FGF14: variants seen among roughly 807,000 people sequenced by gnomAD.
FGF14 encodes fibroblast growth factor homologous factor 4.
A neutral mutation model predicts 25.5 loss-of-function variants in FGF14; 5 were observed. The ratio of observed to expected loss-of-function variants is 0.20; its 90% confidence interval spans 0.10 to 0.41. The LOEUF is 0.41. Among genes scored for constraint, FGF14 ranks in the 10% least tolerant of loss-of-function variants. The pLI, the probability that FGF14 is intolerant of heterozygous loss-of-function variation, is 1.00. For missense variants in FGF14, 222 were observed against 320.1 expected, an observed-to-expected ratio of 0.69 and a Z score of 2.34; for synonymous variants, 138 against 118.3, an observed-to-expected ratio of 1.17 and a Z score of -1.08.
At chr13:101,920,639 A>G (rs1057308120), upstream of FGF14, among the ~76,000 whole-genome samples, 1 of 152,118 alleles carries the variant, frequency 6.6e-6, no homozygotes, top group African/African-American at 2.4e-5. Flanking sequence ...TGTTTTTTCA[A>G]TATCAAAATA....
At chr13:102,224,469 A>C (rs1183095131) in intron 1 of FGF14, among the ~76,000 whole-genome samples, 3 of 152,170 alleles carry the variant, frequency 2.0e-5, no homozygotes, top group Admixed American at 2.0e-4. Flanking sequence ...TATAGATTCG[A>C]ATGTCGCTAT....
intron 1 of FGF14, among the ~76,000 whole-genome samples, chr13:102,133,337 G>C (rs2046279032): frequency 6.6e-6 from 1 of 152,112 alleles, no homozygotes; most frequent in Admixed American, 6.6e-5. Context: ...TATATGAATG[G>C]CTGTTTACAT....
intron 3 of FGF14, among the ~76,000 whole-genome samples, chr13:101,861,539 G>C (rs1326888967): frequency 6.9e-6 from 1 of 145,400 alleles, no homozygotes; most frequent in Non-Finnish European, 1.5e-5. Context: ...TTCAGAAGTT[G>C]CAGACACTAG....
At chr13:102,392,032 T>C (rs901042429) in intron 1 of FGF14, among the ~76,000 whole-genome samples, 1 of 152,248 alleles carries the variant, frequency 6.6e-6, no homozygotes, top group Non-Finnish European at 1.5e-5. Flanking sequence ...TTATACCATG[T>C]GCTCCACACA....
At chr13:102,359,463 A>G (rs2139028899) in intron 1 of FGF14, among the ~76,000 whole-genome samples, 1 of 152,342 alleles carries the variant, frequency 6.6e-6, no homozygotes. Context: ...GATGTAATCA[A>G]AATACCACAG....
chr13:101,863,712 A>G (rs184231498), intron 3 of FGF14, among the ~76,000 whole-genome samples: 205 of 152,262 alleles, frequency 1.3e-3, no homozygotes, highest in Non-Finnish European at 2.6e-3. Flanking sequence ...ATACTGATAA[A>G]ACAGAGCAGT....
intron 4 of FGF14, among the ~76,000 whole-genome samples, chr13:101,724,707 T>G (rs1171618954): frequency 3.4e-5 from 5 of 149,228 alleles, no homozygotes; most frequent in East Asian, 2.0e-4. Flanking sequence ...CCAATAACAT[T>G]ATTTATATTC....
intron 1 of FGF14, among the ~76,000 whole-genome samples, chr13:101,926,325 T>G (rs1454908504): frequency 1.3e-5 from 2 of 152,186 alleles, no homozygotes; most frequent in African/African-American, 2.4e-5. Context: ...CCTACCAACA[T>G]AATTTTTTAA....
intron 1 of FGF14, among the ~76,000 whole-genome samples, chr13:102,096,978 T>G (rs1481434216): frequency 6.6e-6 from 1 of 151,890 alleles, no homozygotes; most frequent in Non-Finnish European, 1.5e-5. Flanking sequence ...TCATATAAAT[T>G]CCCATACTTG....
chr13:101,762,722 T>C (rs1298026864), intron 3 of FGF14, among the ~76,000 whole-genome samples: 2 of 152,152 alleles, frequency 1.3e-5, no homozygotes, highest in Admixed American at 6.6e-5. Flanking sequence ...CCATCTTTCT[T>C]TACACTTCAG....
At chr13:102,276,373 AT>A in intron 1 of FGF14, among the ~76,000 whole-genome samples, 1 of 142,342 alleles carries the variant, frequency 7.0e-6, no homozygotes, top group Admixed American at 7.0e-5. Flanking sequence ...ATATATATAT[AT>A]ATATATACAC....
chr13:101,778,667 G>T (rs567270880), intron 3 of FGF14, among the ~76,000 whole-genome samples: 295 of 152,064 alleles, frequency 1.9e-3, no homozygotes, highest in Non-Finnish European at 3.4e-3. Context: ...GGCTCTTTAG[G>T]CCCACACAAC....
chr13:102,259,152 C>T (rs1226328336), intron 1 of FGF14, among the ~76,000 whole-genome samples: 1 of 152,164 alleles, frequency 6.6e-6, no homozygotes, highest in Non-Finnish European at 1.5e-5. Flanking sequence ...TTCAGTGGCT[C>T]CTGCCACTCT....
In FGF14 at chr13:102,125,070, T is replaced by A. The variant is rs146675550; in HGVS notation, c.209-249774A>T. 1.5e-3 allele frequency among the ~76,000 whole-genome samples: 227 copies of A among 152,280 alleles called. 1 individual carries two copies. The highest frequency in any genetic ancestry group is 5.2e-3 in the African/African-American group (216 of 41,578). On this transcript the variant is annotated intron_variant, in intron 1 of 4. Coordinates refer to the FGF14 transcript ENST00000376131. ...TTCACAACACACTGTTATTGTTTTT[T>A]GTTTATCTCTTTTGAAAAACTTTAA...
intron 1 of FGF14, among the ~76,000 whole-genome samples, chr13:102,332,342 CAGT>C (rs1184291750): frequency 2.0e-5 from 3 of 151,978 alleles, no homozygotes; most frequent in Admixed American, 6.6e-5. Flanking sequence ...ATAAATGATG[CAGT>C]AGAAGTAAAA....
Position 101,720,414 on chromosome 13 carries a change from AGTCATTTACAAAAATAAATCTT to A in FGF14, c.*2395_*2416del, listed in dbSNP as rs2034889663. The A allele has an allele frequency of 6.6e-6, 1 of 152,138 alleles. No individual in the cohort carries two copies. The highest frequency in any genetic ancestry group is 1.5e-5 in the Non-Finnish European group (1 of 68,000). The allele number at this position is 152,138 out of a possible 1,614,324, so 9.4% of individuals were successfully genotyped here. Reference sequence around the variant, plus strand: ...AGAGATACACATTTACATAAATCTCAGTCATTTACAAAAATAAATCTTGTCTTAATTTAAACCAATAAACAGA... The same window carrying A: ...AGAGATACACATTTACATAAATCTCAGTCTTAATTTAAACCAATAAACAGA... On this transcript the variant is annotated 3_prime_UTR_variant, in exon 5 of 5. Transcript: ENST00000376143.
chr13:102,393,549 G>C (rs1300759300), intron 1 of FGF14, among the ~76,000 whole-genome samples: 1 of 152,164 alleles, frequency 6.6e-6, no homozygotes, highest in Admixed American at 6.5e-5. Flanking sequence ...ATGGATATGA[G>C]AGAAGGAAAA....
At position 102,175,366 on chromosome 13, in the gene FGF14, T is replaced by G. The variant is rs148790698; in HGVS notation, c.208+226105A>C. 7.1e-3 allele frequency among the ~76,000 whole-genome samples: 1,085 copies of G among 152,104 alleles called. 13 individuals are homozygous for G. Among genetic ancestry groups the G allele is most frequent in the African/African-American group, 0.024 (987 of 41,504 alleles). ...GAAAGACACCCTATTAAATAAATGG[T>G]GCTGGGAAAACTAGCTAGCTATACA... On this transcript the variant is annotated intron_variant, in intron 1 of 4. Transcript: ENST00000376131.
At chr13:101,849,903 G>A (rs2043661788) in intron 3 of FGF14, among the ~76,000 whole-genome samples, 1 of 152,022 alleles carries the variant, frequency 6.6e-6, no homozygotes, top group African/African-American at 2.4e-5. Context: ...CATCATGAAA[G>A]GAAGATGTGG....
Sources: gnomAD v4.1 joint callset for allele counts (sites outside exome capture counted in the v4.1 genomes callset) on GRCh38, gnomAD v4.1.1 for gene constraint, MANE v1.5 for transcripts, NCBI Gene and HGNC (gene_info 2026-07-23, HGNC 2026-07-21) for gene names.